Variants in RPH3A observed in about 807,000 individuals in gnomAD.
RPH3A encodes rabphilin-3A.
In RPH3A, 48 loss-of-function variants were observed where a neutral mutation model predicts 102.2. The observed-to-expected ratio is 0.47, with a 90% CI of 0.37 to 0.60. The LOEUF (loss-of-function observed/expected upper bound fraction) is 0.60, where lower values mean the gene tolerates loss of function less well. Among genes scored for constraint, RPH3A ranks in the 20% least tolerant of loss-of-function variants. The probability of loss-of-function intolerance (pLI) is 0.00; values close to 1 mark genes in which losing one functional copy is unlikely to be tolerated. For missense variants in RPH3A, 781 were observed against 910.1 expected (o/e 0.86, Z 1.83); for synonymous variants, 310 against 324.3 (o/e 0.96, Z 0.47).
At chr12:112,653,615 T>A (rs115810409) in intron 1 of RPH3A, among the ~76,000 whole-genome samples, 1,839 of 152,212 alleles carry the variant, frequency 0.012, 48 homozygotes, top group African/African-American at 0.042. Flanking sequence ...TATTATAACC[T>A]TTTTACTTTA....
intron 7 of RPH3A, among the ~76,000 whole-genome samples, chr12:112,867,863 G>A (rs527689711): frequency 1.3e-5 from 2 of 152,328 alleles, no homozygotes; most frequent in South Asian, 4.1e-4. Context: ...TGAAGACAGA[G>A]GTCAAGGTTT....
At chr12:112,609,697 C>A (rs977550182) in intron 1 of RPH3A, among the ~76,000 whole-genome samples, 3 of 152,154 alleles carry the variant, frequency 2.0e-5, no homozygotes, top group Non-Finnish European at 4.4e-5. Flanking sequence ...AGAGTCAGCA[C>A]CTGTCAACAT....
intron 1 of RPH3A, among the ~76,000 whole-genome samples, chr12:112,597,466 C>T (rs61942275): frequency 0.31 from 47,205 of 151,804 alleles, 8,380 homozygotes; most frequent in Non-Finnish European, 0.39. Flanking sequence ...GTGCCTGTAG[C>T]CCCAAGGCTG....
chr12:112,826,195 C>T (rs184555138), intron 2 of RPH3A, among the ~76,000 whole-genome samples: 1 of 152,260 alleles, frequency 6.6e-6, no homozygotes, highest in East Asian at 1.9e-4. Flanking sequence ...ATAGAGAGAG[C>T]CAGACAGGCA....
In RPH3A at chr12:112,868,476, A is replaced by G; in HGVS notation, c.491A>G (p.Gln164Arg). 1 of 1,614,164 alleles carries G rather than the reference A, an allele frequency of 6.2e-7. No individual in the cohort carries two copies. The highest frequency in any genetic ancestry group is 8.5e-7 in the Non-Finnish European group (1 of 1,180,014). Residue 164 changes from glutamine (Q) to arginine (R), a missense_variant, in exon 8 of 22, where the codon CAG becomes CGG. This residue lies in a region of RPH3A where 730 missense variants were observed against 810.0 expected (regional missense o/e 0.90). Transcript: ENST00000389385. ...TGGTTCTTCAAAGGCTTCCCCAAAC[A>G]GGTCCTCCCACAGCCTATGCCTATA... ...GAWFFKGFPK[Q>R]VLPQPMPIKK...
intron 3 of RPH3A, among the ~76,000 whole-genome samples, chr12:112,835,190 C>T (rs1377809664): frequency 6.6e-6 from 1 of 152,154 alleles, no homozygotes; most frequent in African/African-American, 2.4e-5. Flanking sequence ...GTTTTGAAGA[C>T]ACTATTGAAC....
In RPH3A at chr12:112,806,163, C is replaced by T. The variant is rs530886187; in HGVS notation, c.-19+13900C>T. Among the ~76,000 whole-genome samples, 18 of 152,294 alleles carry T rather than the reference C, an allele frequency of 1.2e-4. 1 individual carries two copies. The highest frequency in any genetic ancestry group is 2.0e-4 in the Admixed American group (3 of 15,304). ...GGTTTTATAACTTTAGTAAAAGTCACTTACTGCAAATACCTTTTGTTGACA... is the reference window on the plus strand; with the variant it reads ...GGTTTTATAACTTTAGTAAAAGTCATTTACTGCAAATACCTTTTGTTGACA... On this transcript the variant is annotated intron_variant, in intron 2 of 21. Transcript: ENST00000389385.
intron 1 of RPH3A, among the ~76,000 whole-genome samples, chr12:112,617,000 ATCCTCACC>A (rs1803525539): frequency 1.3e-5 from 2 of 152,212 alleles, no homozygotes; most frequent in African/African-American, 4.8e-5. Flanking sequence ...CCAGCTCCCC[ATCCTCACC>A]TCTGGCTGAG....
At chr12:112,836,137 C>T (rs368830034) in intron 3 of RPH3A, among the ~76,000 whole-genome samples, 9 of 152,264 alleles carry the variant, frequency 5.9e-5, no homozygotes, top group East Asian at 1.9e-4. Context: ...TGGTCCTTGT[C>T]CCCCAGTGTT....
intron 1 of RPH3A, among the ~76,000 whole-genome samples, chr12:112,731,950 C>T (rs575242741): frequency 1.1e-4 from 17 of 152,230 alleles, no homozygotes; most frequent in Non-Finnish European, 2.1e-4. Context: ...ATTCTTTTGA[C>T]AGGCTTTCAG....
intron 3 of RPH3A, among the ~76,000 whole-genome samples, 159 bp downstream of exon 3, chr12:112,828,548 AT>A (rs1400262281): frequency 6.6e-6 from 1 of 152,166 alleles, no homozygotes; most frequent in African/African-American, 2.4e-5. Context: ...TAGTTTGACT[AT>A]TTTGCGAGGT....
chr12:112,627,842 G>C (rs1476604616), intron 1 of RPH3A, among the ~76,000 whole-genome samples: 1 of 152,138 alleles, frequency 6.6e-6, no homozygotes, highest in Non-Finnish European at 1.5e-5. Flanking sequence ...TGGGTAATTT[G>C]TAAAGAAAAG....
upstream of RPH3A, among the ~76,000 whole-genome samples, chr12:112,790,754 T>C (rs1402117908): frequency 6.6e-6 from 1 of 152,236 alleles, no homozygotes; most frequent in African/African-American, 2.4e-5. Context: ...GAAGGCTCTT[T>C]GGCCAAGGCT....
At chr12:112,659,539 T>C (rs775025026) in intron 1 of RPH3A, among the ~76,000 whole-genome samples, 8 of 152,244 alleles carry the variant, frequency 5.3e-5, no homozygotes, top group Non-Finnish European at 1.0e-4. Context: ...ATCTGTCTCA[T>C]TACTGATGGT....
intron 1 of RPH3A, among the ~76,000 whole-genome samples, chr12:112,720,911 G>T (rs2040546074): frequency 6.6e-6 from 1 of 152,196 alleles, no homozygotes; most frequent in African/African-American, 2.4e-5. Flanking sequence ...TTGGAGCAAT[G>T]TTTCAGTCTA....
intron 1 of RPH3A, among the ~76,000 whole-genome samples, chr12:112,727,452 GACACAGACACACAC>G (rs1565862461): frequency 0.26 from 13,506 of 51,044 alleles, 1,673 homozygotes; most frequent in African/African-American, 0.34. Flanking sequence ...TACACACACA[GACACAGACACACAC>G]ACACACACAC....
At chr12:112,800,505 G>A (rs1033241690) in intron 2 of RPH3A, among the ~76,000 whole-genome samples, 4 of 152,132 alleles carry the variant, frequency 2.6e-5, no homozygotes, top group East Asian at 1.9e-4. Context: ...TGCAGGGAGC[G>A]TTTTATGCTA....
chr12:112,810,452 T>C (rs1191167437), intron 2 of RPH3A, among the ~76,000 whole-genome samples: 2 of 152,356 alleles, frequency 1.3e-5, no homozygotes, highest in East Asian at 3.9e-4. Flanking sequence ...CCTGGTTCGT[T>C]ATCTGATCAG....
At chr12:112,579,703 A>AC (rs2039383276) in intron 1 of RPH3A, among the ~76,000 whole-genome samples, 2 of 152,154 alleles carry the variant, frequency 1.3e-5, no homozygotes, top group African/African-American at 4.8e-5. Context: ...AACTACTGCC[A>AC]ACTGCCTTAG....
Sources: gnomAD v4.1 joint callset for allele counts (sites outside exome capture counted in the v4.1 genomes callset) on GRCh38, gnomAD v4.1.1 for gene constraint, gnomAD v4.1.1 regional missense constraint, MANE v1.5 for transcripts, NCBI Gene and HGNC (gene_info 2026-07-23, HGNC 2026-07-21) for gene names.